GNB2: variants seen among roughly 807,000 people sequenced by gnomAD.
GNB2 encodes the protein G protein subunit beta 2.
Under a neutral mutation model 40.7 loss-of-function variants are expected in GNB2, and 7 were observed. The observed-to-expected ratio is 0.17, with a 90% CI of 0.10 to 0.32. The LOEUF (loss-of-function observed/expected upper bound fraction) is 0.32. GNB2 is among the 10% of genes least tolerant of loss of function. GNB2 has a pLI of 1.00. For missense variants in GNB2, 286 were observed against 473.0 expected, an observed-to-expected ratio of 0.60 and a Z score of 3.67; for synonymous variants, 254 against 191.2, an observed-to-expected ratio of 1.33 and a Z score of -2.71.
chr7:100,675,139 CCCTGGGGCCCGGGCGCCGAG>C (rs1804321589), intron 1 of GNB2: 3 of 151,134 alleles, frequency 2.0e-5, no homozygotes, highest in South Asian at 4.2e-4. Flanking sequence ...CCAGCCGGGC[CCCTGGGGCCCGGGCGCCGAG>C]CCTGCGGGCT....
rs1482216815 is a variant in GNB2 at position 100,676,807 on chromosome 7, T to C, written c.203+8T>C. The C allele has an allele frequency of 3.9e-6, 6 of 1,522,298 alleles. No individual in the cohort carries two copies. The African/African-American group carries it at 6.9e-5, about 17-fold the overall frequency. The allele number at this position is 1,522,298 out of a possible 1,614,324, so 94.3% of individuals were successfully genotyped here. A position where few individuals can be genotyped will look rare whatever the true frequency, so the allele number is the denominator to read the frequency against. On this transcript the variant is annotated splice_region_variant and intron_variant, in intron 4 of 9. Transcript: ENST00000303210. ...CTGGGGGACCGACTCAAGGTGTGTG[T>C]GTGTGCGCGGGCTGGCGCTGTGGGC... is the stretch of plus-strand genomic sequence containing the variant.
At chr7:100,677,971 T>A in intron 7 of GNB2, 127 bp from the exon 8 acceptor site, 1 of 1,013,184 alleles carries the variant, frequency 9.9e-7, no homozygotes, top group Non-Finnish European at 1.5e-6. Flanking sequence ...CCTCCCCACC[T>A]AAGGCTCTGA....
intron 1 of GNB2, chr7:100,675,349 G>A (rs1804325613): frequency 6.6e-6 from 1 of 151,298 alleles, no homozygotes; most frequent in African/African-American, 2.4e-5. Flanking sequence ...TGCGCTGGAG[G>A]GAGCAGCGGC....
rs754508989 is a variant in GNB2, at chr7:100,676,811, T to TGC, written c.203+16_203+17dup. 38 of 1,486,260 alleles carry TGC rather than the reference T, an allele frequency of 2.6e-5. 1 individual carries two copies. The highest frequency in any genetic ancestry group is 3.4e-4 in the Middle Eastern group (2 of 5,798). 92.1% of individuals were successfully genotyped at this position (1,486,260 alleles called of 1,614,324 possible). The stretch of plus-strand genomic sequence containing the variant: ...GGGACCGACTCAAGGTGTGTGTGTG[T>TGC]GCGCGGGCTGGCGCTGTGGGCCGAC... On this transcript the variant is annotated intron_variant, in intron 4 of 9. Transcript: ENST00000303210.
At chr7:100,674,309 G>T (rs1804305152) in intron 1 of GNB2, among the ~76,000 whole-genome samples, 1 of 143,558 alleles carries the variant, frequency 7.0e-6, no homozygotes, top group African/African-American at 2.6e-5. Flanking sequence ...CTCCACTGTC[G>T]CACCCCTGCC....
In GNB2 at chr7:100,677,117, T is replaced by G. The variant is rs1804366943; in HGVS notation, c.204-235T>G. ...AGTGAGACCCTGGCTCTACTAAAAA[T>G]TGAAAAATGAGCTGGGTGTGGTGGT... On this transcript the variant is annotated intron_variant, in intron 4 of 9. Transcript: ENST00000303210. 2.5e-5 allele frequency: 15 copies of G among 594,374 alleles called. No individual in the cohort carries two copies. In the South Asian group the frequency reaches 3.1e-4, roughly 12 times the overall value. The allele number at this position is 594,374 out of a possible 1,614,324, so 36.8% of individuals were successfully genotyped here.
intron 1 of GNB2, chr7:100,675,484 A>G (rs1804328356): frequency 2.6e-5 from 4 of 151,570 alleles, no homozygotes; most frequent in Admixed American, 1.3e-4. Context: ...GGCTTTTCCC[A>G]AATCCTGTAA....
chr7:100,678,030 C>T (rs1016502162), intron 7 of GNB2, 68 bp from the exon 8 acceptor site: 42 of 1,335,844 alleles, frequency 3.1e-5, no homozygotes, highest in Admixed American at 1.4e-4. Flanking sequence ...CGTGGTGGGG[C>T]GGGGAGAACA....
Position 100,678,574 on chromosome 7 carries a change from C to T in GNB2, c.876C>T (p.Phe292=), listed in dbSNP as rs768831809. Residue 292 remains phenylalanine (F), a synonymous_variant, in exon 9 of 10, where the codon TTC becomes TTT. Coordinates refer to ENST00000303210, the MANE Select transcript of GNB2 (RefSeq NM_005273.4). ...GRLLLAGYDD[F]NCNIWDAMKG... ...TGCTGCTCGCTGGCTACGACGACTT[C>T]AACTGCAACATCTGGGATGCCATGA... The T allele has an allele frequency of 2.5e-6, 4 of 1,613,718 alleles. No homozygotes were observed. The African/African-American group carries it at 4.0e-5, about 16-fold the overall frequency.
In GNB2 at chr7:100,676,523, C is replaced by T; in HGVS notation, c.58-12C>T. 3 of 1,606,686 alleles carry T rather than the reference C, an allele frequency of 1.9e-6. No homozygotes were observed. The highest frequency in any genetic ancestry group is 2.6e-6 in the Non-Finnish European group (3 of 1,173,274). On this transcript the variant is annotated splice_polypyrimidine_tract_variant and intron_variant, in intron 2 of 9. Coordinates refer to ENST00000303210, the MANE Select transcript of GNB2 (RefSeq NM_005273.4). ...TTCTCTCGCGTCTCTCTGGCTCTGC[C>T]ATCCCTTACAGGATGCCCGAAAAGC...
At chr7:100,677,467 C>T (rs1584479166) in intron 5 of GNB2, 31 bp from the exon 6 acceptor site, 2 of 1,613,006 alleles carry the variant, frequency 1.2e-6, no homozygotes, top group African/African-American at 1.3e-5. Context: ...CCCTGGCTGG[C>T]TCTGACCCCG....
Position 100,678,621 on chromosome 7 carries a change from G to A in GNB2, c.916+7G>A. 6.2e-7 allele frequency: 1 copy of A among 1,612,174 alleles called. No individual in the cohort carries two copies. Among genetic ancestry groups the A allele is most frequent in the Non-Finnish European group, 8.5e-7 (1 of 1,178,520 alleles). On this transcript the variant is annotated splice_region_variant and intron_variant, in intron 9 of 9. Transcript: ENST00000303210. ...ATGAAGGGCGACCGTGCAGGTGACA[G>A]CTGGGGCCCAGGCTGGGTGGGCAGG...
chr7:100,675,924 C>CGAGG, intron 1 of GNB2: 1 of 305,166 alleles, frequency 3.3e-6, no homozygotes, highest in Non-Finnish European at 6.0e-6. Flanking sequence ...GGGCTGTGTC[C>CGAGG]GAGGGAGGGG....
intron 6 of GNB2, 27 bp from the exon 7 acceptor site, chr7:100,677,725 G>A (rs1309598992): frequency 1.9e-6 from 3 of 1,613,480 alleles, no homozygotes; most frequent in Non-Finnish European, 2.5e-6. Context: ...TCCGTGTGGA[G>A]ACCTGGCTGA....
Position 100,677,364 on chromosome 7 carries a change from C to T in GNB2, c.216C>T (p.Ser72=), listed in dbSNP as rs777629770. Residue 72 remains serine, a synonymous_variant, in exon 5 of 10, where the codon AGC becomes AGT. Transcript: ENST00000303210. The stretch of plus-strand genomic sequence containing the variant: ...CGTTCCCCACCAGGCTGCTGGTCAG[C>T]GCCTCCCAGGATGGGAAGCTCATCA... The part of the protein sequence containing the change: ...HWGTDSRLLV[S]ASQDGKLIIW... 12 of 1,613,400 alleles carry T rather than the reference C, an allele frequency of 7.4e-6. No individual in the cohort carries two copies. In the East Asian group the frequency reaches 1.1e-4, roughly 15 times the overall value.
At chr7:100,674,394 C>T (rs1170146248) in intron 1 of GNB2, among the ~76,000 whole-genome samples, 2 of 152,208 alleles carry the variant, frequency 1.3e-5, no homozygotes, top group East Asian at 1.9e-4. Flanking sequence ...TTCGTCTCCA[C>T]CCTACCCACG....
chr7:100,676,132 C>T (rs1402594340), intron 1 of GNB2, 45 bp from the exon 2 acceptor site: 1 of 570,626 alleles, frequency 1.8e-6, no homozygotes. Context: ...TTTCTCCCCA[C>T]TTCCCCGGCG....
intron 2 of GNB2, 59 bp from the exon 3 acceptor site, chr7:100,676,476 T>C (rs891570267): frequency 1.4e-6 from 2 of 1,454,620 alleles, no homozygotes; most frequent in East Asian, 4.5e-5. Flanking sequence ...TTCTCTTCTC[T>C]CCCTTTCCTC....
Position 100,678,617 on chromosome 7 carries a change from G to A in GNB2, c.916+3G>A, listed in dbSNP as rs1057139137. The A allele has an allele frequency of 9.9e-6, 16 of 1,612,504 alleles. No individual in the cohort carries two copies. The highest frequency in any genetic ancestry group is 1.4e-5 in the Non-Finnish European group (16 of 1,178,940). The stretch of plus-strand genomic sequence containing the variant: ...TGCCATGAAGGGCGACCGTGCAGGT[G>A]ACAGCTGGGGCCCAGGCTGGGTGGG... On this transcript the variant is annotated splice_donor_region_variant and intron_variant, in intron 9 of 9. Coordinates refer to ENST00000303210, the MANE Select transcript of GNB2 (RefSeq NM_005273.4).
Sources: gnomAD v4.1 joint callset for allele counts (sites outside exome capture counted in the v4.1 genomes callset) on GRCh38, gnomAD v4.1.1 for gene constraint, MANE v1.5 for transcripts, NCBI Gene and HGNC (gene_info 2026-07-23, HGNC 2026-07-21) for gene names.